CNTN5: variants seen among roughly 807,000 people sequenced by gnomAD.
The protein encoded by CNTN5 is contactin 5.
In CNTN5, 77 loss-of-function variants were observed where a neutral mutation model predicts 129.1. The ratio of observed to expected loss-of-function variants is 0.60; its 90% CI spans 0.50 to 0.72. The LOEUF (loss-of-function observed/expected upper bound fraction) is 0.72. Among genes scored for constraint, CNTN5 ranks in the 30% least tolerant of loss-of-function variants. CNTN5 has a pLI of 0.00. For missense variants in CNTN5, 1,478 were observed against 1,328.8 expected (o/e 1.11, Z -1.75); for synonymous variants, 509 against 465.6 (o/e 1.09, Z -1.20).
At chr11:99,404,429 G>A (rs1357804271) in intron 2 of CNTN5, among the ~76,000 whole-genome samples, 1 of 151,290 alleles carries the variant, frequency 6.6e-6, no homozygotes, top group Non-Finnish European at 1.5e-5. Context: ...CTCTTTTTTT[G>A]TTCTTTGTTT....
chr11:99,834,535 CCACAATTTTACAGCAAA>C (rs1243586057), intron 4 of CNTN5, among the ~76,000 whole-genome samples: 1 of 152,024 alleles, frequency 6.6e-6, no homozygotes, highest in Non-Finnish European at 1.5e-5. Flanking sequence ...AAAGACCAAA[CCACAATTTTACAGCAAA>C]CGATTGCACT....
chr11:99,161,446 A>G (rs1860606837), intron 1 of CNTN5, among the ~76,000 whole-genome samples: 1 of 152,028 alleles, frequency 6.6e-6, no homozygotes, highest in Non-Finnish European at 1.5e-5. Context: ...AGGAGATAAA[A>G]GCAGAAGTCA....
At chr11:99,810,800 G>T (rs1220052995) in intron 3 of CNTN5, among the ~76,000 whole-genome samples, 2 of 152,016 alleles carry the variant, frequency 1.3e-5, no homozygotes, top group Non-Finnish European at 1.5e-5. Context: ...CTTTGAAAAA[G>T]GTCAGGTATC....
rs748023723 is a variant in CNTN5, at chr11:100,307,773, AAAAAT to A, written c.2621-578_2621-574del. Among the ~76,000 whole-genome samples the A allele has an allele frequency of 1.1e-4, 16 of 151,788 alleles. No individual in the cohort carries two copies. The East Asian group carries it at 2.9e-3, about 28-fold the overall frequency. Reference sequence around the variant, plus strand: ...AATAAAAATTTAGATGCACAGAATAAAAAATAAAATAATAATAATATGGTATTTTG... The same window carrying A: ...AATAAAAATTTAGATGCACAGAATAAAAAATAATAATAATATGGTATTTTG... On this transcript the variant is annotated intron_variant, in intron 20 of 24. Transcript: ENST00000524871.
At chr11:100,141,062 G>A (rs533451863) in intron 13 of CNTN5, among the ~76,000 whole-genome samples, 2 of 152,206 alleles carry the variant, frequency 1.3e-5, no homozygotes, top group South Asian at 4.1e-4. Context: ...AAATGGTCGA[G>A]GAAAAATTGA....
At chr11:99,774,008 C>T (rs908156449) in intron 3 of CNTN5, among the ~76,000 whole-genome samples, 1 of 152,100 alleles carries the variant, frequency 6.6e-6, no homozygotes, top group Non-Finnish European at 1.5e-5. Flanking sequence ...CCATTCATCT[C>T]TCAAAACCCC....
chr11:99,394,205 C>T (rs200331897), intron 2 of CNTN5, among the ~76,000 whole-genome samples: 2 of 151,416 alleles, frequency 1.3e-5, no homozygotes, highest in African/African-American at 2.4e-5. Context: ...TTTGGCTGAA[C>T]AAAATTAAAG....
At chr11:99,771,356 C>T (rs1026309691) in intron 3 of CNTN5, among the ~76,000 whole-genome samples, 18 of 151,668 alleles carry the variant, frequency 1.2e-4, no homozygotes, top group Admixed American at 6.6e-4. Context: ...ATAAAGTAAA[C>T]GTGAAATAAA....
intron 13 of CNTN5, among the ~76,000 whole-genome samples, chr11:100,082,191 C>G (rs7113107): frequency 0.13 from 20,324 of 152,112 alleles, 1,392 homozygotes; most frequent in East Asian, 0.19. Context: ...TGAAAGCATT[C>G]TAAATCATGG....
chr11:99,257,274 T>C (rs1333958949), intron 1 of CNTN5, among the ~76,000 whole-genome samples: 1 of 152,100 alleles, frequency 6.6e-6, no homozygotes, highest in Non-Finnish European at 1.5e-5. Context: ...GAAGGAAGGG[T>C]AGGTCAAATT....
At chr11:99,595,502 C>G (rs985098157) in intron 3 of CNTN5, among the ~76,000 whole-genome samples, 8 of 151,706 alleles carry the variant, frequency 5.3e-5, no homozygotes, top group Non-Finnish European at 1.5e-5. Flanking sequence ...AAACAAGTAT[C>G]AACATGAAAT....
chr11:99,588,392 G>T (rs1949875357), intron 3 of CNTN5, among the ~76,000 whole-genome samples: 1 of 146,422 alleles, frequency 6.8e-6, no homozygotes, highest in Admixed American at 6.8e-5. Flanking sequence ...ATCACTTTAT[G>T]TAAATGGCAT....
At chr11:99,626,470 T>G (rs2135784289) in intron 3 of CNTN5, among the ~76,000 whole-genome samples, 1 of 152,262 alleles carries the variant, frequency 6.6e-6, no homozygotes, top group South Asian at 2.1e-4. Flanking sequence ...CTTCTTTACA[T>G]CTCTGTTTCT....
At chr11:100,115,653 T>C (rs1487061786) in intron 13 of CNTN5, among the ~76,000 whole-genome samples, 1 of 152,026 alleles carries the variant, frequency 6.6e-6, no homozygotes, top group Non-Finnish European at 1.5e-5. Flanking sequence ...GACCATATGC[T>C]CAGTTTATAG....
At chr11:100,231,829 C>G (rs1236538740) in intron 16 of CNTN5, among the ~76,000 whole-genome samples, 1 of 152,100 alleles carries the variant, frequency 6.6e-6, no homozygotes, top group East Asian at 1.9e-4. Context: ...GAGCATTGTT[C>G]ACATTTTAAA....
intron 9 of CNTN5, among the ~76,000 whole-genome samples, chr11:100,058,135 A>C (rs183648311): frequency 2.1e-4 from 32 of 152,240 alleles, no homozygotes; most frequent in Middle Eastern, 3.4e-3. Flanking sequence ...TAAAACATTG[A>C]AATTATAGAT....
intron 3 of CNTN5, among the ~76,000 whole-genome samples, chr11:99,764,083 A>G (rs1944674465): frequency 6.6e-6 from 1 of 152,160 alleles, no homozygotes; most frequent in African/African-American, 2.4e-5. Flanking sequence ...TGTTGTAAAA[A>G]TTTAGATATC....
chr11:99,432,667 A>G lies in CNTN5; in HGVS notation c.-71+107183A>G, dbSNP rs186100267. Among the ~76,000 whole-genome samples the G allele has an allele frequency of 1.5e-3, 221 of 152,022 alleles. 1 individual carries two copies. Among genetic ancestry groups the G allele is most frequent in the African/African-American group, 4.8e-3 (198 of 41,480 alleles). ...AGAGCGAAAAGCTGCTAGGGTCTAT[A>G]TAGTAAAAGTCTTTGCTGGAATGAA... On this transcript the variant is annotated intron_variant, in intron 2 of 24. Transcript: ENST00000524871.
chr11:99,701,389 A>G (rs1473205190), intron 3 of CNTN5, among the ~76,000 whole-genome samples: 2 of 151,286 alleles, frequency 1.3e-5, no homozygotes, highest in Non-Finnish European at 3.0e-5. Flanking sequence ...TATTTTTTCA[A>G]TAGGTAATAG....
Sources: allele counts gnomAD v4.1 joint callset (sites outside exome capture counted in the v4.1 genomes callset), GRCh38; gene constraint gnomAD v4.1.1; transcripts MANE v1.5; gene names NCBI Gene and HGNC (gene_info 2026-07-23, HGNC 2026-07-21).